ZFHX3: variants seen among roughly 807,000 people sequenced by gnomAD.
The protein encoded by ZFHX3 is zinc finger homeobox 3.
In ZFHX3, 42 loss-of-function variants were observed where a neutral mutation model predicts 279.1. The ratio of observed to expected loss-of-function variants is 0.15; its 90% CI spans 0.12 to 0.19. The LOEUF (loss-of-function observed/expected upper bound fraction) is 0.19, where lower values mean the gene tolerates loss of function less well. Among genes scored for constraint, ZFHX3 ranks in the 10% least tolerant of loss-of-function variants. The pLI is 1.00. For synonymous variants in ZFHX3, 2,293 were observed against 1,957.8 expected (o/e 1.17, Z -4.52); for missense variants, 4,981 against 4,754.0 (o/e 1.05, Z -1.40).
At chr16:73,224,628 C>T (rs2012534572) in intron 5 of ZFHX3, among the ~76,000 whole-genome samples, 1 of 152,140 alleles carries the variant, frequency 6.6e-6, no homozygotes, top group Non-Finnish European at 1.5e-5. Context: ...GGAAAAAGGA[C>T]TCTATTATCT....
At chr16:73,565,763 C>T (rs1412733697) in intron 2 of ZFHX3, among the ~76,000 whole-genome samples, 5 of 152,124 alleles carry the variant, frequency 3.3e-5, no homozygotes, top group South Asian at 2.1e-4. Context: ...AGTAAGAATT[C>T]TCAATAGGGC....
intron 1 of ZFHX3, among the ~76,000 whole-genome samples, chr16:73,817,512 G>A (rs539460210): frequency 1.3e-5 from 2 of 152,226 alleles, no homozygotes; most frequent in Admixed American, 6.5e-5. Context: ...CCCTAACGGC[G>A]AGTCTTAAAA....
chr16:72,828,631 C>A (rs1260342007), intron 5 of ZFHX3, among the ~76,000 whole-genome samples: 1 of 143,382 alleles, frequency 7.0e-6, no homozygotes, highest in African/African-American at 2.4e-5. Context: ...GCAGGGCAGG[C>A]ACCACCTGTG....
chr16:73,247,201 G>T (rs971529276), intron 5 of ZFHX3, among the ~76,000 whole-genome samples: 2 of 147,972 alleles, frequency 1.4e-5, no homozygotes, highest in Non-Finnish European at 3.0e-5. Context: ...CATGTGTGTG[G>T]GTATACTGTG....
At chr16:73,080,349 A>C (rs1290376076) in intron 8 of ZFHX3, among the ~76,000 whole-genome samples, 1 of 152,214 alleles carries the variant, frequency 6.6e-6, no homozygotes, top group African/African-American at 2.4e-5. Context: ...CTCCCAAAAG[A>C]GGGTGGAACT....
chr16:73,512,432 G>C (rs915173481), intron 2 of ZFHX3, among the ~76,000 whole-genome samples: 6 of 141,572 alleles, frequency 4.2e-5, no homozygotes, highest in African/African-American at 1.6e-4. Context: ...TGGCAACAGA[G>C]CGAGACTCCG....
intron 1 of ZFHX3, among the ~76,000 whole-genome samples, chr16:73,017,948 T>C (rs1365786210): frequency 6.7e-6 from 1 of 149,418 alleles, no homozygotes; most frequent in Non-Finnish European, 1.5e-5. Flanking sequence ...GAAAATTTGA[T>C]TTTTTCGATG....
At chr16:73,231,483 C>T (rs918443617) in intron 5 of ZFHX3, among the ~76,000 whole-genome samples, 5 of 152,202 alleles carry the variant, frequency 3.3e-5, no homozygotes, top group Admixed American at 3.3e-4. Context: ...TGAGAGGGAA[C>T]GCTCTATCTG....
intron 5 of ZFHX3, among the ~76,000 whole-genome samples, chr16:73,174,186 G>A (rs1431348580): frequency 1.3e-5 from 2 of 151,890 alleles, no homozygotes. Flanking sequence ...AGACCTTCCT[G>A]GTCACAGGAG....
intron 2 of ZFHX3, among the ~76,000 whole-genome samples, chr16:73,548,949 C>T (rs2020163883): frequency 6.6e-6 from 1 of 152,092 alleles, no homozygotes; most frequent in Non-Finnish European, 1.5e-5. Context: ...AGACGGCTCT[C>T]AGCAGCTAAA....
chr16:73,108,993 CT>C (rs1224974064), intron 7 of ZFHX3, among the ~76,000 whole-genome samples: 5 of 89,112 alleles, frequency 5.6e-5, no homozygotes, highest in Admixed American at 3.5e-4. Flanking sequence ...CTGATAGGCA[CT>C]GGTTGGGGAT....
Position 72,797,622 on chromosome 16 carries a change from C to T in ZFHX3, c.5060G>A (p.Ser1687Asn). 6.2e-7 allele frequency: 1 copy of T among 1,614,198 alleles called. No individual in the cohort carries two copies. The highest frequency in any genetic ancestry group is 8.5e-7 in the Non-Finnish European group (1 of 1,180,034). Reference sequence around the variant, plus strand: ...ATTCCCCAGGGGTGGCATCCCTACACTCTCAGTGGGCACTTGGCTTAGTAA... The same window carrying T: ...ATTCCCCAGGGGTGGCATCCCTACATTCTCAGTGGGCACTTGGCTTAGTAA... ...SNLLSQVPTE[S>N]VGMPPLGNPI... Residue 1687 changes from serine (S) to asparagine (N), a missense_variant, in exon 9 of 10, where the codon AGT becomes AAT. Around this residue, in one of 7 missense-constraint regions of ZFHX3, gnomAD observed 1,751 missense variants for 1,770.0 expected, o/e 0.99. Coordinates refer to ENST00000268489, the MANE Select transcript of ZFHX3 (RefSeq NM_006885.4).
chr16:73,085,310 G>A (rs1446240623), intron 8 of ZFHX3, among the ~76,000 whole-genome samples: 1 of 152,146 alleles, frequency 6.6e-6, no homozygotes, highest in Non-Finnish European at 1.5e-5. Context: ...TGCCCGGGCT[G>A]GAGTGTAATG....
At chr16:73,139,375 G>A (rs748569551) in intron 6 of ZFHX3, among the ~76,000 whole-genome samples, 5 of 152,184 alleles carry the variant, frequency 3.3e-5, no homozygotes, top group Non-Finnish European at 5.9e-5. Context: ...TATCTGATAG[G>A]ACGAAGTCCA....
chr16:73,128,940 A>C (rs547169348), intron 7 of ZFHX3, among the ~76,000 whole-genome samples: 1 of 152,298 alleles, frequency 6.6e-6, no homozygotes, highest in East Asian at 1.9e-4. Flanking sequence ...TGTTTTATCA[A>C]TTGAACCCCA....
At chr16:73,733,414 T>G (rs932787478) in intron 1 of ZFHX3, among the ~76,000 whole-genome samples, 1 of 152,216 alleles carries the variant, frequency 6.6e-6, no homozygotes, top group Non-Finnish European at 1.5e-5. Flanking sequence ...TCAATTAATT[T>G]TACTCATTTT....
intron 7 of ZFHX3, among the ~76,000 whole-genome samples, chr16:73,095,125 G>C (rs927289029): frequency 6.6e-6 from 1 of 151,950 alleles, no homozygotes; most frequent in Non-Finnish European, 1.5e-5. Context: ...GGGTCTTGCT[G>C]TGTTGCCTAG....
At chr16:72,936,798 G>C (rs1232130522) in intron 3 of ZFHX3, among the ~76,000 whole-genome samples, 6 of 152,190 alleles carry the variant, frequency 3.9e-5, no homozygotes, top group Admixed American at 3.9e-4. Flanking sequence ...TTGCAAGAGA[G>C]TGATATGACC....
At chr16:73,258,919 G>T (rs2013739093) in intron 4 of ZFHX3, among the ~76,000 whole-genome samples, 1 of 152,174 alleles carries the variant, frequency 6.6e-6, no homozygotes, top group Non-Finnish European at 1.5e-5. Flanking sequence ...ATGTACCTGA[G>T]TAGTCTCATA....
Sources: gnomAD v4.1 joint callset for allele counts (sites outside exome capture counted in the v4.1 genomes callset) on GRCh38, gnomAD v4.1.1 for gene constraint, gnomAD v4.1.1 regional missense constraint, MANE v1.5 for transcripts, NCBI Gene and HGNC (gene_info 2026-07-23, HGNC 2026-07-21) for gene names.